Variants in MYOT observed in about 807,000 individuals in gnomAD.
The protein encoded by MYOT is myotilin.
A neutral mutation model predicts 58.0 loss-of-function variants in MYOT; 36 were observed. The observed-to-expected ratio is 0.62, with a 90% CI of 0.48 to 0.82. The LOEUF is 0.82. Ranked by LOEUF, MYOT falls within the 40% of genes least tolerant of loss-of-function variation. The pLI is 0.00. For missense variants in MYOT, 505 were observed against 592.1 expected (o/e 0.85, Z 1.53); for synonymous variants, 218 against 204.6 (o/e 1.07, Z -0.56).
At chr5:137,868,848 T>A (rs1375143110) in intron 1 of MYOT, among the ~76,000 whole-genome samples, 4 of 152,162 alleles carry the variant, frequency 2.6e-5, no homozygotes, top group Admixed American at 6.5e-5. Context: ...TCCTTCAGGA[T>A]GTTTTTCCCC....
chr5:137,882,516 G>A (rs1755469939), intron 6 of MYOT, among the ~76,000 whole-genome samples: 3 of 150,142 alleles, frequency 2.0e-5, no homozygotes, highest in African/African-American at 4.9e-5. Flanking sequence ...TGGCACAATC[G>A]CAGCTCACTG....
At chr5:137,886,745 A>G in intron 8 of MYOT, 119 bp from the exon 9 acceptor site, 1 of 809,066 alleles carries the variant, frequency 1.2e-6, no homozygotes, top group Non-Finnish European at 2.1e-6. Flanking sequence ...TTGGCAATAA[A>G]TAGATACAGC....
At chr5:137,882,495 C>T in intron 6 of MYOT, among the ~76,000 whole-genome samples, 1 of 151,466 alleles carries the variant, frequency 6.6e-6, no homozygotes, top group Non-Finnish European at 1.5e-5. Context: ...GTCACCCAGG[C>T]TGGAGTGCAA....
chr5:137,869,507 C>G (rs553597895), intron 1 of MYOT, among the ~76,000 whole-genome samples: 2 of 152,178 alleles, frequency 1.3e-5, no homozygotes, highest in African/African-American at 4.8e-5. Flanking sequence ...CACTACAGAG[C>G]TAAGTAGGAG....
At chr5:137,873,767 A>C (rs1287964865) in intron 2 of MYOT, among the ~76,000 whole-genome samples, 1 of 152,214 alleles carries the variant, frequency 6.6e-6, no homozygotes, top group Non-Finnish European at 1.5e-5. Context: ...CAGGAGAGGA[A>C]ATGTGTATCA....
intron 1 of MYOT, 114 bp from the exon 2 acceptor site, chr5:137,870,327 A>ACAC (rs1561657135): frequency 5.3e-5 from 22 of 412,524 alleles, no homozygotes; most frequent in South Asian, 1.1e-4. Flanking sequence ...ACACACACAC[A>ACAC]AAAGGAAGGA....
intron 7 of MYOT, among the ~76,000 whole-genome samples, chr5:137,884,660 A>C (rs1302635230): frequency 2.6e-5 from 4 of 152,184 alleles, no homozygotes; most frequent in Non-Finnish European, 5.9e-5. Flanking sequence ...TCATTAGAGC[A>C]TTCTGGATTT....
intron 4 of MYOT, among the ~76,000 whole-genome samples, chr5:137,879,002 G>GT (rs957867864): frequency 2.1e-4 from 32 of 149,774 alleles, no homozygotes; most frequent in South Asian, 1.1e-3. Context: ...CTGAAATTCA[G>GT]TTTTTTTTTT....
intron 7 of MYOT, among the ~76,000 whole-genome samples, chr5:137,884,841 T>A (rs1460313242): frequency 6.6e-6 from 1 of 152,250 alleles, no homozygotes; most frequent in Admixed American, 6.5e-5. Context: ...TTTGCTATAA[T>A]TCACTATTTA....
At chr5:137,880,207 G>A (rs539106294) in intron 4 of MYOT, among the ~76,000 whole-genome samples, 104 of 152,260 alleles carry the variant, frequency 6.8e-4, no homozygotes, top group African/African-American at 2.4e-3. Flanking sequence ...ATAATTTTCT[G>A]CTGTTCGGAT....
rs374006628 is a variant in MYOT, at chr5:137,886,078, T to C, written c.1055T>C (p.Ile352Thr). The change falls in exon 8 of 10, where the codon ATC becomes ACC. Residue 352 changes from isoleucine to threonine, a missense_variant. Transcript: ENST00000239926. ...GAACATAAAAGAGCACCAATGTTTA[T>C]CTACAAACCACAGAGCAAAAAAGTT... ...AKEHKRAPMFIYKPQSKKVLE... is the reference protein window; with the variant it reads ...AKEHKRAPMFTYKPQSKKVLE... 7.5e-6 allele frequency: 12 copies of C among 1,604,690 alleles called. No individual in the cohort carries two copies. In the African/African-American group the frequency reaches 9.4e-5, roughly 13 times the overall value.
intron 1 of MYOT, among the ~76,000 whole-genome samples, 153 bp from the exon 2 acceptor site, chr5:137,870,288 G>GACACACACACACACAC (rs35301804): frequency 2.4e-5 from 3 of 127,010 alleles, no homozygotes; most frequent in African/African-American, 3.0e-5. Context: ...GATTAAGCAA[G>GACACACACACACACAC]ACACACACAC....
At chr5:137,879,123 C>T (rs937365804) in intron 4 of MYOT, among the ~76,000 whole-genome samples, 1 of 152,172 alleles carries the variant, frequency 6.6e-6, no homozygotes. Context: ...TTAGCAGAGA[C>T]GGTGATTTCA....
At chr5:137,867,988 G>A (rs934107063) in intron 1 of MYOT, 35 bp downstream of exon 1, 2 of 152,042 alleles carry the variant, frequency 1.3e-5, no homozygotes, top group Non-Finnish European at 2.9e-5. Context: ...ACACTTTTAG[G>A]TCTTGTTTTT....
Position 137,883,530 on chromosome 5 carries a change from T to C in MYOT, c.963T>C (p.Tyr321=). 6.2e-7 allele frequency: 1 copy of C among 1,614,194 alleles called. No individual in the cohort carries two copies. Among genetic ancestry groups the C allele is most frequent in the Non-Finnish European group, 8.5e-7 (1 of 1,180,024 alleles). Residue 321 remains tyrosine, a synonymous_variant, in exon 7 of 10, where the codon TAT becomes TAC. Coordinates refer to ENST00000239926, the MANE Select transcript of MYOT (RefSeq NM_006790.3). ...EVVRASDAGA[Y]ACVAKNRAGE... is the part of the protein sequence containing the mutation. ...TCAGAGCTTCAGATGCAGGGGCTTATGCATGTGTTGCCAAGAATAGAGCAG... is the reference window on the plus strand; with the variant it reads ...TCAGAGCTTCAGATGCAGGGGCTTACGCATGTGTTGCCAAGAATAGAGCAG...
chr5:137,871,029 G>A lies in MYOT; in HGVS notation c.356+22G>A, dbSNP rs576784457. 97 of 1,590,574 alleles carry A rather than the reference G, an allele frequency of 6.1e-5. 2 individuals are homozygous for A. In the East Asian group the frequency reaches 7.2e-4, roughly 12 times the overall value. On this transcript the variant is annotated intron_variant, in intron 2 of 9. Coordinates refer to ENST00000239926, the MANE Select transcript of MYOT (RefSeq NM_006790.3). ...CCAAGTAAGTGAATTTTTATATACC[G>A]CATGTACAGTGAACTTATATCTGAG... is the stretch of plus-strand genomic sequence containing the variant.
At chr5:137,882,389 T>C (rs886209547) in intron 6 of MYOT, among the ~76,000 whole-genome samples, 1 of 152,120 alleles carries the variant, frequency 6.6e-6, no homozygotes, top group African/African-American at 2.4e-5. Flanking sequence ...TGGATAGGTA[T>C]ACCTAATAAA....
rs1307499652 is a variant in MYOT at position 137,870,890 on chromosome 5, A to G, written c.239A>G (p.Asn80Ser). Residue 80 changes from asparagine (N) to serine (S), a missense_variant, in exon 2 of 10, where the codon AAC becomes AGC. Coordinates refer to ENST00000239926, the MANE Select transcript of MYOT (RefSeq NM_006790.3). ...PASPQQHAGSNPGQRVTTTYN... is the reference protein window; with the variant it reads ...PASPQQHAGSSPGQRVTTTYN... ...TCTCCCCAGCAGCATGCTGGCTCCAACCCAGGCCAAAGGGTTACAACCACC... is the reference window on the plus strand; with the variant it reads ...TCTCCCCAGCAGCATGCTGGCTCCAGCCCAGGCCAAAGGGTTACAACCACC... 6.2e-7 allele frequency: 1 copy of G among 1,613,970 alleles called. No individual in the cohort carries two copies. Among genetic ancestry groups the G allele is most frequent in the Non-Finnish European group, 8.5e-7 (1 of 1,179,980 alleles).
Position 137,868,168 on chromosome 5 carries a change from G to A in MYOT, c.-212+215G>A, listed in dbSNP as rs1275273403. Among the ~76,000 whole-genome samples the A allele has an allele frequency of 2.0e-5, 3 of 152,132 alleles. No homozygotes were observed. The East Asian group carries it at 5.8e-4, about 29-fold the overall frequency. ...ATGATAGAAGGAAAGATAGCTGTGT[G>A]TCATTATTTTTAAATCACCATTTTT... On this transcript the variant is annotated intron_variant, in intron 1 of 9. Coordinates refer to ENST00000239926, the MANE Select transcript of MYOT (RefSeq NM_006790.3).
Sources: gnomAD v4.1 joint callset for allele counts (sites outside exome capture counted in the v4.1 genomes callset) on GRCh38, gnomAD v4.1.1 for gene constraint, MANE v1.5 for transcripts, NCBI Gene and HGNC (gene_info 2026-07-23, HGNC 2026-07-21) for gene names.